The following KATNAL2 variants were observed in gnomAD, a reference collection of about 807,000 sequenced individuals.
KATNAL2 encodes the protein katanin p60 ATPase-containing subunit A-like 2.
KATNAL2 carries 52 observed loss-of-function variants against 76.3 expected under a neutral mutation model. The ratio of observed to expected loss-of-function variants is 0.68; its 90% confidence interval spans 0.55 to 0.86. The LOEUF is 0.86. KATNAL2 is among the 40% of genes least tolerant of loss of function. The pLI is 0.00. For synonymous variants in KATNAL2, 243 were observed against 244.2 expected (o/e 1.00, Z 0.05); for missense variants, 660 against 668.9 (o/e 0.99, Z 0.15).
chr18:47,058,333 A>G lies in KATNAL2; in HGVS notation c.431A>G (p.Asn144Ser), dbSNP rs2061530055. The G allele has an allele frequency of 5.0e-6, 8 of 1,611,956 alleles. No homozygotes were observed. Among genetic ancestry groups the G allele is most frequent in the Non-Finnish European group, 5.9e-6 (7 of 1,178,010 alleles). Reference sequence around the variant, plus strand: ...AAGACAGGGGACACCAAATCGCTCAATAAGGAGCATCCTAATCAGGTCAGG... The same window carrying G: ...AAGACAGGGGACACCAAATCGCTCAGTAAGGAGCATCCTAATCAGGTCAGG... ...AGKTGDTKSL[N>S]KEHPNQEVVD... Residue 144 changes from asparagine to serine, a missense_variant, in exon 7 of 18, where the codon AAT becomes AGT. Asn to Ser is a conservative substitution (Grantham distance 46). Coordinates refer to ENST00000683218, the MANE Select transcript of KATNAL2 (RefSeq NM_001387690.1).
chr18:47,099,276 G>A lies in KATNAL2; in HGVS notation c.1245G>A (p.Glu415=), dbSNP rs748796951. The A allele has an allele frequency of 1.2e-6, 2 of 1,614,014 alleles. No individual in the cohort carries two copies. The highest frequency in any genetic ancestry group is 2.2e-5 in the South Asian group (2 of 91,078). Residue 415 remains glutamate (E), a synonymous_variant, in exon 16 of 18, where the codon GAG becomes GAA. Transcript: ENST00000683218. ...ELDCAMLRRL[E]KRILVDLPSR... ...ACTGTGCCATGTTACGCCGCCTGGA[G>A]AAGAGGATTCTGGTCGATCTCCCCA... is the stretch of plus-strand genomic sequence containing the variant.
intron 1 of KATNAL2, among the ~76,000 whole-genome samples, chr18:46,932,029 G>A (rs1421148862): frequency 6.6e-6 from 1 of 151,534 alleles, no homozygotes; most frequent in Non-Finnish European, 1.5e-5. Flanking sequence ...TCCCACCTCA[G>A]CCTCCCAAGT....
At chr18:47,100,825 A>T in intron 17 of KATNAL2, 41 bp from the exon 18 acceptor site, 1 of 1,612,106 alleles carries the variant, frequency 6.2e-7, no homozygotes, top group Non-Finnish European at 8.5e-7. Flanking sequence ...GATCACCAAG[A>T]GGTCGATTGT....
At chr18:46,923,029 T>A (rs191089671) in intron 1 of KATNAL2, among the ~76,000 whole-genome samples, 74 of 149,824 alleles carry the variant, frequency 4.9e-4, no homozygotes, top group African/African-American at 1.8e-3. Flanking sequence ...TTTTTTTTTT[T>A]AGACCTTTAG....
intron 5 of KATNAL2, among the ~76,000 whole-genome samples, chr18:47,054,175 C>A (rs898737129): frequency 2.6e-5 from 4 of 152,212 alleles, no homozygotes; most frequent in African/African-American, 9.6e-5. Flanking sequence ...GAGCCCTTTG[C>A]AATCTTCCTC....
intron 10 of KATNAL2, among the ~76,000 whole-genome samples, chr18:47,063,909 T>C (rs1839935606): frequency 6.6e-6 from 1 of 152,234 alleles, no homozygotes; most frequent in Non-Finnish European, 1.5e-5. Flanking sequence ...CTTCTCTTGC[T>C]AGCTGTGTGA....
chr18:47,071,658 T>G (rs992515232), intron 13 of KATNAL2, among the ~76,000 whole-genome samples: 10 of 152,122 alleles, frequency 6.6e-5, no homozygotes, highest in African/African-American at 2.2e-4. Context: ...GAAGGTGACA[T>G]ACTCTTGAGA....
At chr18:46,965,428 C>T (rs1200707749) in intron 3 of KATNAL2, among the ~76,000 whole-genome samples, 18 of 112,626 alleles carry the variant, frequency 1.6e-4, no homozygotes, top group Non-Finnish European at 1.8e-4. Context: ...AAGGCATGAT[C>T]AGGAACACTG....
intron 15 of KATNAL2, among the ~76,000 whole-genome samples, chr18:47,080,714 A>T (rs192033450): frequency 6.6e-6 from 1 of 152,306 alleles, no homozygotes; most frequent in East Asian, 1.9e-4. Context: ...GCTTGTTATT[A>T]TATGTCTCTT....
rs767223998 is a variant in KATNAL2 at position 47,053,110 on chromosome 18, T to A, written c.289+64T>A. Reference sequence around the variant, plus strand: ...CTGTAAGATTAGTGTTTCTTTCTCATCTTATTCCCAGATAGATGGAGACCC... The same window carrying A: ...CTGTAAGATTAGTGTTTCTTTCTCAACTTATTCCCAGATAGATGGAGACCC... On this transcript the variant is annotated intron_variant, in intron 5 of 17. Coordinates refer to ENST00000683218, the MANE Select transcript of KATNAL2 (RefSeq NM_001387690.1). 240 of 1,372,484 alleles carry A rather than the reference T, an allele frequency of 1.7e-4. No individual in the cohort carries two copies. In the Middle Eastern group the frequency reaches 1.9e-3, roughly 11 times the overall value. The allele number at this position is 1,372,484 out of a possible 1,614,324, so 85.0% of individuals were successfully genotyped here.
intron 3 of KATNAL2, among the ~76,000 whole-genome samples, chr18:47,038,153 A>G (rs976792321): frequency 6.6e-6 from 1 of 152,248 alleles, no homozygotes; most frequent in Non-Finnish European, 1.5e-5. Context: ...AAATGTAATG[A>G]AAACCCTGAG....
At chr18:47,074,767 T>C (rs1412021946) in intron 13 of KATNAL2, among the ~76,000 whole-genome samples, 1 of 152,088 alleles carries the variant, frequency 6.6e-6, no homozygotes, top group Non-Finnish European at 1.5e-5. Context: ...GGCTACGGAG[T>C]AATTTGGAGA....
intron 7 of KATNAL2, 146 bp from the exon 8 acceptor site, chr18:47,059,410 G>C (rs2061565213): frequency 1.5e-6 from 1 of 656,862 alleles, no homozygotes; most frequent in Non-Finnish European, 2.8e-6. Flanking sequence ...TCCTGGGTCT[G>C]CACAAATGTG....
chr18:46,949,412 G>A lies in KATNAL2; in HGVS notation c.51+2489G>A, dbSNP rs545360132. On this transcript the variant is annotated intron_variant, in intron 3 of 17. Transcript: ENST00000683218. ...GAACCACAGGCATGTACCATCACACGTGGTTAAATTTTGTATTTTTTGTAG... is the reference window on the plus strand; with the variant it reads ...GAACCACAGGCATGTACCATCACACATGGTTAAATTTTGTATTTTTTGTAG... 2.0e-5 allele frequency among the ~76,000 whole-genome samples: 3 copies of A among 152,162 alleles called. No homozygotes were observed. In the East Asian group the frequency reaches 5.8e-4, roughly 29 times the overall value.
chr18:47,100,160 C>T, intron 16 of KATNAL2, 94 bp from the exon 17 acceptor site: 1 of 810,342 alleles, frequency 1.2e-6, no homozygotes, highest in Non-Finnish European at 2.1e-6. Flanking sequence ...ACAGAATCTA[C>T]ACAGGGCTTC....
chr18:47,092,300 A>G (rs2063035439), intron 15 of KATNAL2, among the ~76,000 whole-genome samples: 1 of 152,106 alleles, frequency 6.6e-6, no homozygotes, highest in South Asian at 2.1e-4. Flanking sequence ...GGAGTTTGAG[A>G]CCAGCCTGGC....
At chr18:46,919,009 G>A (rs28628455) in intron 1 of KATNAL2, among the ~76,000 whole-genome samples, 8,369 of 84,834 alleles carry the variant, frequency 0.099, 222 homozygotes, top group East Asian at 0.18. Flanking sequence ...ATATATATAT[G>A]TGTGTGTGTG....
intron 6 of KATNAL2, among the ~76,000 whole-genome samples, chr18:47,057,443 A>T (rs2061503823): frequency 6.6e-6 from 1 of 152,234 alleles, no homozygotes; most frequent in Non-Finnish European, 1.5e-5. Context: ...CTATGGATAT[A>T]TAACATATAT....
intron 10 of KATNAL2, among the ~76,000 whole-genome samples, chr18:47,064,730 G>T (rs1168757258): frequency 6.6e-6 from 1 of 152,104 alleles, no homozygotes. Flanking sequence ...AGTGGAAATG[G>T]CCTGAGATGA....
Sources: allele counts gnomAD v4.1 joint callset (sites outside exome capture counted in the v4.1 genomes callset), GRCh38; gene constraint gnomAD v4.1.1; transcripts MANE v1.5; gene names NCBI Gene and HGNC (gene_info 2026-07-23, HGNC 2026-07-21).